Variants in ZFPM2 observed in about 807,000 individuals in gnomAD.
ZFPM2 encodes the protein zinc finger protein ZFPM2.
A neutral mutation model predicts 98.6 loss-of-function variants in ZFPM2; 20 were observed. The ratio of observed to expected loss-of-function variants is 0.20; its 90% CI spans 0.14 to 0.29. ZFPM2 has a LOEUF of 0.29. Ranked by LOEUF, ZFPM2 falls within the 10% of genes least tolerant of loss-of-function variation. The probability of loss-of-function intolerance (pLI) is 1.00; values close to 1 mark genes in which losing one functional copy is unlikely to be tolerated. For missense variants in ZFPM2, 1,310 were observed against 1,388.6 expected (o/e 0.94, Z 0.90); for synonymous variants, 518 against 502.7 (o/e 1.03, Z -0.41).
chr8:105,589,807 C>T (rs1815803328), intron 4 of ZFPM2, among the ~76,000 whole-genome samples: 1 of 152,142 alleles, frequency 6.6e-6, no homozygotes, highest in South Asian at 2.1e-4. Flanking sequence ...CAAGTTCCAA[C>T]TCCCCCCGGG....
At chr8:105,495,405 A>T (rs1813446728) in intron 3 of ZFPM2, among the ~76,000 whole-genome samples, 1 of 152,190 alleles carries the variant, frequency 6.6e-6, no homozygotes, top group South Asian at 2.1e-4. Context: ...TTTAAAAAAA[A>T]TTTTGCTCCC....
At chr8:105,647,748 G>A (rs1267249418) in intron 5 of ZFPM2, among the ~76,000 whole-genome samples, 2 of 152,076 alleles carry the variant, frequency 1.3e-5, no homozygotes, top group African/African-American at 4.8e-5. Context: ...TGGTGTATAT[G>A]TGCCACATTT....
chr8:105,344,976 C>G (rs1273054351), intron 1 of ZFPM2, among the ~76,000 whole-genome samples: 1 of 152,062 alleles, frequency 6.6e-6, no homozygotes, highest in Non-Finnish European at 1.5e-5. Context: ...ACTGAGCACT[C>G]AAATCCAAGA....
At position 105,337,776 on chromosome 8, in the gene ZFPM2, G is replaced by A. The variant is rs192993445; in HGVS notation, c.40+18795G>A. On this transcript the variant is annotated intron_variant, in intron 1 of 7. Transcript: ENST00000407775. ...TGTTTTTTTTTTAATTTAGTGAAAT[G>A]AAAAATAATCAGATGAGGATTTTCC... 2.9e-3 allele frequency among the ~76,000 whole-genome samples: 444 copies of A among 150,754 alleles called. 4 individuals carry two copies. The Middle Eastern group carries it at 0.048, about 16-fold the overall frequency.
intron 5 of ZFPM2, among the ~76,000 whole-genome samples, chr8:105,654,934 G>A (rs969669669): frequency 5.3e-5 from 8 of 152,114 alleles, no homozygotes; most frequent in Admixed American, 6.5e-5. Flanking sequence ...ATGATATAAA[G>A]TTTATTTGAA....
chr8:105,564,737 TA>T (rs1479565763), intron 4 of ZFPM2, among the ~76,000 whole-genome samples: 3 of 152,150 alleles, frequency 2.0e-5, no homozygotes, highest in South Asian at 2.1e-4. Flanking sequence ...GATGATTTCT[TA>T]ACATGAATCA....
At chr8:105,606,997 A>G (rs535617725) in intron 4 of ZFPM2, among the ~76,000 whole-genome samples, 31 of 152,252 alleles carry the variant, frequency 2.0e-4, no homozygotes, top group African/African-American at 6.7e-4. Context: ...CTTGGATTCA[A>G]TAAGCCACTC....
chr8:105,651,169 GTTT>G (rs1586174698), intron 5 of ZFPM2, among the ~76,000 whole-genome samples: 1 of 151,990 alleles, frequency 6.6e-6, no homozygotes, highest in East Asian at 1.9e-4. Context: ...TCATTCTTTA[GTTT>G]TTTTCTCCTC....
At chr8:105,740,473 T>C (rs1178916267) in intron 5 of ZFPM2, among the ~76,000 whole-genome samples, 1 of 149,634 alleles carries the variant, frequency 6.7e-6, no homozygotes, top group Non-Finnish European at 1.5e-5. Flanking sequence ...TGTGCAATTT[T>C]GTATTTCTAA....
At chr8:105,412,446 A>G (rs1036046468) in intron 1 of ZFPM2, among the ~76,000 whole-genome samples, 7 of 151,826 alleles carry the variant, frequency 4.6e-5, no homozygotes, top group African/African-American at 1.7e-4. Context: ...AATCAATTAT[A>G]TATAAGAAAT....
At chr8:105,554,988 C>T (rs1169504033) in intron 3 of ZFPM2, among the ~76,000 whole-genome samples, 1 of 151,980 alleles carries the variant, frequency 6.6e-6, no homozygotes, top group Non-Finnish European at 1.5e-5. Flanking sequence ...TTAAGTATTT[C>T]TCTCCACCAG....
At chr8:105,662,888 C>T (rs1817419007) in intron 5 of ZFPM2, 1 of 152,076 alleles carries the variant, frequency 6.6e-6, no homozygotes, top group East Asian at 1.9e-4. Context: ...TGATTCTATC[C>T]TCAGAGAAGA....
chr8:105,346,658 T>A (rs910613094), intron 1 of ZFPM2, among the ~76,000 whole-genome samples: 4 of 152,218 alleles, frequency 2.6e-5, no homozygotes, highest in African/African-American at 9.6e-5. Context: ...AACTTAATTT[T>A]CTTACATTAT....
At chr8:105,358,637 G>A (rs1586314710) in intron 1 of ZFPM2, 1 of 152,226 alleles carries the variant, frequency 6.6e-6, no homozygotes, top group African/African-American at 2.4e-5. Flanking sequence ...AGGTTCCCCA[G>A]GTGAGCCATA....
intron 3 of ZFPM2, among the ~76,000 whole-genome samples, chr8:105,488,751 G>T (rs1221548187): frequency 6.6e-6 from 1 of 152,040 alleles, no homozygotes; most frequent in African/African-American, 2.4e-5. Context: ...GTGACAGAGC[G>T]AGACTCCATC....
Position 105,549,339 on chromosome 8 carries a change from G to A in ZFPM2, c.302-12024G>A, listed in dbSNP as rs570085356. The stretch of plus-strand genomic sequence containing the variant: ...AGATGTATTTTACAAGTTGGTTAAA[G>A]CGAGGGCATGAGATTTTCTAGTTTG... On this transcript the variant is annotated intron_variant, in intron 3 of 7. Coordinates refer to ENST00000407775, the MANE Select transcript of ZFPM2 (RefSeq NM_012082.4). Among the ~76,000 whole-genome samples the A allele has an allele frequency of 3.9e-5, 6 of 152,300 alleles. No homozygotes were observed. In the South Asian group the frequency reaches 1.2e-3, roughly 32 times the overall value.
intron 1 of ZFPM2, among the ~76,000 whole-genome samples, chr8:105,353,395 C>T (rs1812685356): frequency 6.6e-6 from 1 of 152,034 alleles, no homozygotes; most frequent in Non-Finnish European, 1.5e-5. Flanking sequence ...TTTTTCAAAG[C>T]ACTTACCATC....
At chr8:105,659,096 A>G (rs1417070785) in intron 5 of ZFPM2, among the ~76,000 whole-genome samples, 1 of 152,224 alleles carries the variant, frequency 6.6e-6, no homozygotes, top group Non-Finnish European at 1.5e-5. Flanking sequence ...GGACACTTCC[A>G]GACAATATCA....
chr8:105,508,506 A>G, intron 3 of ZFPM2, among the ~76,000 whole-genome samples: 1 of 152,046 alleles, frequency 6.6e-6, no homozygotes, highest in East Asian at 1.9e-4. Context: ...TTAATAAGAG[A>G]CCTTAACCAG....
Sources: allele counts gnomAD v4.1 joint callset (sites outside exome capture counted in the v4.1 genomes callset), GRCh38; gene constraint gnomAD v4.1.1; transcripts MANE v1.5; gene names NCBI Gene and HGNC (gene_info 2026-07-23, HGNC 2026-07-21).